MICU1: variants seen among roughly 807,000 people sequenced by gnomAD.
The protein encoded by MICU1 is mitochondrial calcium uptake 1.
Under a neutral mutation model 56.8 loss-of-function variants are expected in MICU1, and 45 were observed. The observed-to-expected ratio is 0.79, with a 90% CI of 0.62 to 1.02. The LOEUF (loss-of-function observed/expected upper bound fraction) is 1.02. Among genes scored for constraint, MICU1 ranks in the 50% least tolerant of loss-of-function variants. MICU1 has a pLI of 0.00. For missense variants in MICU1, 504 were observed against 587.1 expected (o/e 0.86, Z 1.46); for synonymous variants, 186 against 195.1 (o/e 0.95, Z 0.39).
At chr10:72,561,119 A>G (rs1840285767) in intron 3 of MICU1, among the ~76,000 whole-genome samples, 2 of 152,248 alleles carry the variant, frequency 1.3e-5, no homozygotes, top group Admixed American at 6.5e-5. Flanking sequence ...AGTGAAAGAA[A>G]TAAGAATTAT....
At chr10:72,413,501 G>A (rs1863890382) in intron 9 of MICU1, among the ~76,000 whole-genome samples, 1 of 152,196 alleles carries the variant, frequency 6.6e-6, no homozygotes, top group Non-Finnish European at 1.5e-5. Context: ...GGGACACCAA[G>A]GCGGGTGGAT....
chr10:72,567,646 C>T (rs1257180361), intron 1 of MICU1, among the ~76,000 whole-genome samples: 1 of 152,168 alleles, frequency 6.6e-6, no homozygotes, highest in Non-Finnish European at 1.5e-5. Context: ...GGGAAGCTGA[C>T]CTTCGCGATG....
chr10:72,574,412 G>A (rs1437712490), intron 1 of MICU1, among the ~76,000 whole-genome samples: 2 of 152,068 alleles, frequency 1.3e-5, no homozygotes, highest in African/African-American at 4.8e-5. Context: ...CCAGCTACTC[G>A]GGAGGCTGAG....
chr10:72,599,543 T>C (rs899691065), intron 1 of MICU1, among the ~76,000 whole-genome samples: 2 of 152,116 alleles, frequency 1.3e-5, no homozygotes, highest in Admixed American at 6.6e-5. Context: ...TCAGATCAAC[T>C]GTTCAGCATC....
intron 6 of MICU1, among the ~76,000 whole-genome samples, chr10:72,480,564 A>G (rs773798512): frequency 6.6e-5 from 10 of 152,248 alleles, no homozygotes; most frequent in Non-Finnish European, 1.2e-4. Context: ...GCCAATGTTT[A>G]AAGTGCAACG....
intron 4 of MICU1, among the ~76,000 whole-genome samples, chr10:72,538,691 G>A (rs1308031531): frequency 6.6e-6 from 1 of 151,850 alleles, no homozygotes; most frequent in Admixed American, 6.6e-5. Context: ...GAAGAGAGGG[G>A]TTACAAAACA....
chr10:72,418,984 G>T (rs1477092593), intron 9 of MICU1, among the ~76,000 whole-genome samples: 1 of 152,166 alleles, frequency 6.6e-6, no homozygotes, highest in African/African-American at 2.4e-5. Context: ...TTCATCATCT[G>T]ACAAAATTTG....
intron 6 of MICU1, among the ~76,000 whole-genome samples, chr10:72,487,329 G>T (rs751182984): frequency 3.9e-5 from 6 of 152,134 alleles, no homozygotes; most frequent in Non-Finnish European, 8.8e-5. Context: ...CTTTCCATTT[G>T]ATGAGTGCCA....
chr10:72,571,734 T>C (rs943136249), intron 1 of MICU1, among the ~76,000 whole-genome samples: 4 of 151,800 alleles, frequency 2.6e-5, no homozygotes, highest in South Asian at 2.1e-4. Flanking sequence ...AGTGTAGAAA[T>C]AAAAAACAGA....
chr10:72,502,167 T>TTTTTTTTGTTTGTTTG (rs1867096579), intron 6 of MICU1, among the ~76,000 whole-genome samples: 1 of 146,950 alleles, frequency 6.8e-6, no homozygotes. Context: ...TGTTTTTTTT[T>TTTTTTTTGTTTGTTTG]TTTTTTTGAG....
intron 4 of MICU1, 104 bp from the exon 5 acceptor site, chr10:72,533,893 CA>C (rs1232656183): frequency 1.3e-6 from 1 of 764,948 alleles, no homozygotes; most frequent in Admixed American, 2.9e-5. Flanking sequence ...GTTAAAAGTA[CA>C]AAACATTTAT....
chr10:72,409,644 T>A (rs996295652), intron 9 of MICU1, among the ~76,000 whole-genome samples: 6 of 152,204 alleles, frequency 3.9e-5, no homozygotes, highest in African/African-American at 1.4e-4. Context: ...GGAGCTGAGA[T>A]CATGCCACAG....
intron 1 of MICU1, among the ~76,000 whole-genome samples, chr10:72,586,767 A>T (rs1261706534): frequency 6.6e-6 from 1 of 152,234 alleles, no homozygotes; most frequent in East Asian, 1.9e-4. Context: ...TCAAACCAAA[A>T]TATGAAATCA....
chr10:72,607,624 C>T (rs1291768519), intron 1 of MICU1, among the ~76,000 whole-genome samples: 5 of 132,650 alleles, frequency 3.8e-5, no homozygotes, highest in Admixed American at 1.6e-4. Flanking sequence ...GCAACAAGAG[C>T]GAAACTCCAT....
At chr10:72,525,081 C>T (rs958045687) in intron 5 of MICU1, among the ~76,000 whole-genome samples, 1 of 151,410 alleles carries the variant, frequency 6.6e-6, no homozygotes, top group Admixed American at 6.6e-5. Flanking sequence ...AGAAAGAGTA[C>T]ATAATGGCTC....
At chr10:72,448,193 A>ATTTTTTTTTTTTTTTTTT (rs71018289) in intron 8 of MICU1, among the ~76,000 whole-genome samples, 1 of 36,816 alleles carries the variant, frequency 2.7e-5, no homozygotes, top group Non-Finnish European at 4.7e-5. Flanking sequence ...ATATATATAT[A>ATTTTTTTTTTTTTTTTTT]TTTTTTTTTT....
chr10:72,511,202 T>G (rs1425178361), intron 5 of MICU1, among the ~76,000 whole-genome samples: 2 of 152,204 alleles, frequency 1.3e-5, no homozygotes, highest in Non-Finnish European at 2.9e-5. Flanking sequence ...GAACATAATG[T>G]TTTTTAGGTT....
At chr10:72,454,500 G>A (rs1476318879) in intron 8 of MICU1, among the ~76,000 whole-genome samples, 3 of 141,030 alleles carry the variant, frequency 2.1e-5, no homozygotes, top group South Asian at 2.3e-4. Context: ...CTGTAGTCAT[G>A]GGCCAGGCAC....
At chr10:72,557,049 G>C (rs150543781) in intron 3 of MICU1, among the ~76,000 whole-genome samples, 3 of 151,880 alleles carry the variant, frequency 2.0e-5, no homozygotes, top group Non-Finnish European at 4.4e-5. Context: ...CTGGGTGACA[G>C]AGCAAGACTT....
Sources: gnomAD v4.1 joint callset for allele counts (sites outside exome capture counted in the v4.1 genomes callset) on GRCh38, gnomAD v4.1.1 for gene constraint, MANE v1.5 for transcripts, NCBI Gene and HGNC (gene_info 2026-07-23, HGNC 2026-07-21) for gene names.